GALNT13: variants seen among roughly 807,000 people sequenced by gnomAD.
The protein encoded by GALNT13 is UDP-GalNAc:polypeptide N-acetylgalactosaminyltransferase 13.
A neutral mutation model predicts 64.2 loss-of-function variants in GALNT13; 28 were observed. That is an observed-to-expected ratio of 0.44 (90% CI 0.32 to 0.60). GALNT13 has a LOEUF of 0.60. Ranked by LOEUF, GALNT13 falls within the 20% of genes least tolerant of loss-of-function variation. The pLI is 0.05. For synonymous variants in GALNT13, 214 were observed against 224.6 expected (o/e 0.95, Z 0.42); for missense variants, 577 against 669.8 (o/e 0.86, Z 1.53).
the GALNT13 span, among the ~76,000 whole-genome samples, chr2:153,131,218 T>C: frequency 2.6e-5 from 4 of 152,190 alleles, no homozygotes; most frequent in African/African-American, 7.2e-5. Flanking sequence ...CAAATTATCA[T>C]AAATAACTAC....
At chr2:154,382,786 C>CA in intron 9 of GALNT13, among the ~76,000 whole-genome samples, 1 of 108,668 alleles carries the variant, frequency 9.2e-6, no homozygotes, top group Non-Finnish European at 2.0e-5. Flanking sequence ...TCTCTTAAAA[C>CA]GTTTTTTTTT....
the GALNT13 span, among the ~76,000 whole-genome samples, chr2:153,695,819 C>T: frequency 6.6e-6 from 1 of 152,098 alleles, no homozygotes; most frequent in African/African-American, 2.4e-5. Flanking sequence ...CAAGAGTTAA[C>T]TGTATGATGT....
At position 154,234,685 on chromosome 2, in the gene GALNT13, T is replaced by G. The variant is rs1208142216; in HGVS notation, c.312-7345T>G. 4.6e-5 allele frequency among the ~76,000 whole-genome samples: 7 copies of G among 152,298 alleles called. No individual in the cohort carries two copies. In the South Asian group the frequency reaches 1.4e-3, roughly 32 times the overall value. On this transcript the variant is annotated intron_variant, in intron 4 of 12. Coordinates refer to ENST00000392825, the MANE Select transcript of GALNT13 (RefSeq NM_052917.4). ...TAAAAAGGTATTTCTACACTTCTATTTCATCTTGTAATAATGCAGAGATAT... is the reference window on the plus strand; with the variant it reads ...TAAAAAGGTATTTCTACACTTCTATGTCATCTTGTAATAATGCAGAGATAT...
intron 1 of GALNT13, among the ~76,000 whole-genome samples, chr2:153,894,866 T>A (rs1316430744): frequency 6.6e-6 from 1 of 152,138 alleles, no homozygotes; most frequent in African/African-American, 2.4e-5. Context: ...TGACATGCTG[T>A]TCTGATCAAC....
At chr2:153,893,594 TGTC>T (rs1687697909) in intron 1 of GALNT13, among the ~76,000 whole-genome samples, 1 of 142,496 alleles carries the variant, frequency 7.0e-6, no homozygotes, top group Non-Finnish European at 1.6e-5. Context: ...ATGTAAATTA[TGTC>T]ATTATTTACA....
chr2:153,123,735 G>A, the GALNT13 span, among the ~76,000 whole-genome samples: 1 of 151,916 alleles, frequency 6.6e-6, no homozygotes, highest in Non-Finnish European at 1.5e-5. Flanking sequence ...AATTTTTAAG[G>A]GCCAAATACA....
the GALNT13 span, among the ~76,000 whole-genome samples, chr2:153,430,387 T>C: frequency 1.4e-4 from 21 of 152,136 alleles, no homozygotes; most frequent in Non-Finnish European, 2.5e-4. Flanking sequence ...AAAAATAACA[T>C]TTAATTTTGT....
the GALNT13 span, among the ~76,000 whole-genome samples, chr2:153,806,139 A>G: frequency 6.6e-6 from 1 of 152,084 alleles, no homozygotes; most frequent in East Asian, 1.9e-4. Context: ...AAAATGTCTC[A>G]TGATGTATCT....
chr2:153,476,358 A>T, the GALNT13 span, among the ~76,000 whole-genome samples: 1 of 152,182 alleles, frequency 6.6e-6, no homozygotes, highest in Non-Finnish European at 1.5e-5. Context: ...TGCCATTGTG[A>T]AGTCTTTGAA....
the GALNT13 span, among the ~76,000 whole-genome samples, chr2:153,398,258 T>A: frequency 7.0e-3 from 1,059 of 152,304 alleles, 17 homozygotes; most frequent in African/African-American, 0.024. Flanking sequence ...AAACTCATCA[T>A]TTTTTGTGGC....
the GALNT13 span, among the ~76,000 whole-genome samples, chr2:153,745,853 G>T: frequency 6.6e-6 from 1 of 152,086 alleles, no homozygotes; most frequent in Admixed American, 6.6e-5. Flanking sequence ...CTCTCAAAGT[G>T]CTGGGATTAC....
chr2:153,941,379 C>T (rs1317712666), intron 2 of GALNT13, among the ~76,000 whole-genome samples: 2 of 152,116 alleles, frequency 1.3e-5, no homozygotes, highest in African/African-American at 4.8e-5. Context: ...CTTGCTGATA[C>T]CATTACTTAA....
the GALNT13 span, among the ~76,000 whole-genome samples, chr2:153,252,652 T>A: frequency 1.9e-3 from 282 of 152,302 alleles, 2 homozygotes; most frequent in African/African-American, 6.4e-3. Flanking sequence ...TTTTGTATAA[T>A]GTGTAAGGAA....
At chr2:153,828,058 A>G in the GALNT13 span, among the ~76,000 whole-genome samples, 2,070 of 152,350 alleles carry the variant, frequency 0.014, 45 homozygotes, top group African/African-American at 0.046. Context: ...TGCAAGAGGC[A>G]GGTTCCCATA....
chr2:153,323,604 AG>A, the GALNT13 span, among the ~76,000 whole-genome samples: 1 of 152,122 alleles, frequency 6.6e-6, no homozygotes, highest in South Asian at 2.1e-4. Context: ...GTTTTCTTCT[AG>A]GGTTTTTATG....
intron 3 of GALNT13, among the ~76,000 whole-genome samples, chr2:154,023,373 C>A (rs1697683914): frequency 6.6e-6 from 1 of 152,166 alleles, no homozygotes; most frequent in Non-Finnish European, 1.5e-5. Context: ...AATCTGGGTG[C>A]TCCTGTATTG....
intron 3 of GALNT13, among the ~76,000 whole-genome samples, chr2:153,960,528 A>G (rs1191702493): frequency 4.6e-5 from 7 of 152,194 alleles, no homozygotes. Context: ...TTGCAGTCAC[A>G]TTTATACCCA....
intron 2 of GALNT13, among the ~76,000 whole-genome samples, chr2:153,908,336 A>G (rs1372472689): frequency 1.3e-5 from 2 of 152,038 alleles, no homozygotes; most frequent in African/African-American, 4.8e-5. Context: ...CCCATTCTAT[A>G]GGTTGTCTGC....
chr2:153,296,114 T>C, the GALNT13 span, among the ~76,000 whole-genome samples: 1 of 152,178 alleles, frequency 6.6e-6, no homozygotes, highest in Non-Finnish European at 1.5e-5. Context: ...TATCTTGTTA[T>C]CTCTGCATTC....
Sources: gnomAD v4.1 joint callset for allele counts (sites outside exome capture counted in the v4.1 genomes callset) on GRCh38, gnomAD v4.1.1 for gene constraint, MANE v1.5 for transcripts, NCBI Gene and HGNC (gene_info 2026-07-23, HGNC 2026-07-21) for gene names.